The following CPEB1 variants were observed in gnomAD, a reference collection of about 807,000 sequenced individuals.
CPEB1 encodes the protein cytoplasmic polyadenylation element-binding protein 1.
Under a neutral mutation model 65.8 loss-of-function variants are expected in CPEB1, and 7 were observed. The ratio of observed to expected loss-of-function variants is 0.11; its 90% CI spans 0.06 to 0.20. CPEB1 has a LOEUF of 0.20. Among genes scored for constraint, CPEB1 ranks in the 10% least tolerant of loss-of-function variants. The pLI is 1.00. For missense variants in CPEB1, 551 were observed against 712.2 expected, an observed-to-expected ratio of 0.77 and a Z score of 2.58; for synonymous variants, 262 against 260.0, an observed-to-expected ratio of 1.01 and a Z score of -0.08.
intron 3 of CPEB1, among the ~76,000 whole-genome samples, chr15:82,580,877 G>T: frequency 6.6e-6 from 1 of 150,610 alleles, no homozygotes; most frequent in African/African-American, 2.4e-5. Flanking sequence ...TTTGAGACAG[G>T]GTCTCCTTCT....
intron 12 of CPEB1, 55 bp downstream of exon 12, chr15:82,546,386 C>T (rs571385099): frequency 2.1e-5 from 30 of 1,451,410 alleles, no homozygotes; most frequent in Middle Eastern, 1.7e-4. Context: ...TGAACCACCG[C>T]GCCCAGCCAA....
chr15:82,577,365 G>A (rs1280585562), intron 3 of CPEB1, among the ~76,000 whole-genome samples: 5 of 152,160 alleles, frequency 3.3e-5, no homozygotes, highest in African/African-American at 1.2e-4. Flanking sequence ...GACTGCAAAG[G>A]TGTATTTTTA....
chr15:82,631,439 G>A lies in CPEB1; in HGVS notation c.-97-2883C>T, dbSNP rs138043168. Among the ~76,000 whole-genome samples the A allele has an allele frequency of 6.9e-4, 104 of 151,794 alleles. 1 individual carries two copies. The East Asian group carries it at 0.018, about 27-fold the overall frequency. The stretch of plus-strand genomic sequence containing the variant: ...TTGGAAGGAAAAAAAAAAAATCAAA[G>A]CCAGGACTGTCAGATGGCGAACAGA... On this transcript the variant is annotated intron_variant, in intron 1 of 12. Coordinates refer to ENST00000684509, the MANE Select transcript of CPEB1 (RefSeq NM_001365242.1).
At chr15:82,609,093 G>A (rs1047318846) in intron 3 of CPEB1, among the ~76,000 whole-genome samples, 1 of 152,162 alleles carries the variant, frequency 6.6e-6, no homozygotes, top group Non-Finnish European at 1.5e-5. Context: ...TTCATCAATG[G>A]ATCGAAGAAG....
At chr15:82,648,032 C>G (rs900686702), upstream of CPEB1, 20 of 488,438 alleles carry the variant, frequency 4.1e-5, no homozygotes, top group Non-Finnish European at 5.7e-5. Context: ...CGCCCCCCGG[C>G]CGGATGCGGA....
chr15:82,628,288 G>A (rs1293187428), intron 2 of CPEB1, 76 bp downstream of exon 2: 5 of 702,614 alleles, frequency 7.1e-6, no homozygotes, highest in Non-Finnish European at 1.3e-5. Flanking sequence ...GAAAGAAACT[G>A]TAGATATGAC....
chr15:82,583,930 C>G (rs2041525415), intron 3 of CPEB1, among the ~76,000 whole-genome samples: 1 of 152,088 alleles, frequency 6.6e-6, no homozygotes, highest in Admixed American at 6.6e-5. Context: ...TTATTAGGTC[C>G]TGCTAATATT....
At chr15:82,586,391 T>C (rs1440875046) in intron 3 of CPEB1, among the ~76,000 whole-genome samples, 1 of 152,144 alleles carries the variant, frequency 6.6e-6, no homozygotes, top group Non-Finnish European at 1.5e-5. Flanking sequence ...AAAGAAAGAA[T>C]ACTCTAAAAA....
chr15:82,591,547 A>G (rs1043585952), intron 3 of CPEB1, among the ~76,000 whole-genome samples: 5 of 152,144 alleles, frequency 3.3e-5, no homozygotes, highest in African/African-American at 1.2e-4. Context: ...GATTGTAGGC[A>G]TGAGTCACTG....
chr15:82,614,863 GTGTGTGTGTGTGTGTGTA>G (rs1381313085), intron 3 of CPEB1, among the ~76,000 whole-genome samples: 3 of 115,576 alleles, frequency 2.6e-5, no homozygotes, highest in South Asian at 3.1e-4. Context: ...GTGTGTGTGT[GTGTGTGTGTGTGTGTGTA>G]TATATATATA....
At chr15:82,623,331 A>C (rs2045481923) in intron 3 of CPEB1, among the ~76,000 whole-genome samples, 1 of 152,204 alleles carries the variant, frequency 6.6e-6, no homozygotes, top group Admixed American at 6.5e-5. Context: ...ACCATTTGAA[A>C]ATTTATTACA....
chr15:82,577,419 A>C (rs2040776416), intron 3 of CPEB1, among the ~76,000 whole-genome samples: 1 of 152,192 alleles, frequency 6.6e-6, no homozygotes, highest in African/African-American at 2.4e-5. Flanking sequence ...CAAATGTTGC[A>C]CAAAAACTAT....
chr15:82,568,492 G>A (rs1315901073), intron 4 of CPEB1, among the ~76,000 whole-genome samples: 1 of 152,162 alleles, frequency 6.6e-6, no homozygotes, highest in African/African-American at 2.4e-5. Flanking sequence ...TAGAAGAGAA[G>A]GACCCCACAA....
intron 4 of CPEB1, among the ~76,000 whole-genome samples, chr15:82,561,916 C>G (rs2038280447): frequency 6.6e-6 from 1 of 152,148 alleles, no homozygotes; most frequent in Non-Finnish European, 1.5e-5. Context: ...TCATCTGTTC[C>G]GCAATCTGGA....
chr15:82,552,451 G>C lies in CPEB1; in HGVS notation c.1281+29C>G, dbSNP rs200441408. 7.3e-6 allele frequency: 11 copies of C among 1,513,404 alleles called. No individual in the cohort carries two copies. In the Admixed American group the frequency reaches 9.2e-5, roughly 13 times the overall value. 93.7% of individuals were successfully genotyped at this position (1,513,404 alleles called of 1,614,324 possible). ...AGTGCCTCAATATTCCAAGACCCTC[G>C]ATCCAGAAAGGACATCACGCTAACT... On this transcript the variant is annotated intron_variant, in intron 9 of 12. Transcript: ENST00000684509.
chr15:82,629,442 G>A (rs2046052818), intron 1 of CPEB1: 1 of 979,200 alleles, frequency 1.0e-6, no homozygotes, highest in South Asian at 4.7e-5. Flanking sequence ...AATGAAAAAA[G>A]AACTCCTATA....
chr15:82,562,181 A>G (rs571643732), intron 4 of CPEB1: 1 of 446,020 alleles, frequency 2.2e-6, no homozygotes, highest in Non-Finnish European at 4.5e-6. Context: ...AATCTTTAGG[A>G]CTTCACATCT....
chr15:82,605,535 T>C (rs1446684945), intron 3 of CPEB1, among the ~76,000 whole-genome samples: 1 of 152,278 alleles, frequency 6.6e-6, no homozygotes, highest in Non-Finnish European at 1.5e-5. Context: ...TTGTACTTGC[T>C]GAGATTTTAG....
chr15:82,645,646 G>C (rs901635513), intron 1 of CPEB1, among the ~76,000 whole-genome samples: 1 of 151,962 alleles, frequency 6.6e-6, no homozygotes, highest in South Asian at 2.1e-4. Flanking sequence ...GAGGTGGGCG[G>C]ATCACGAGGT....
Sources: allele counts gnomAD v4.1 joint callset (sites outside exome capture counted in the v4.1 genomes callset), GRCh38; gene constraint gnomAD v4.1.1; transcripts MANE v1.5; gene names NCBI Gene and HGNC (gene_info 2026-07-23, HGNC 2026-07-21).